CACNA1A: variants seen among roughly 807,000 people sequenced by gnomAD.
The protein encoded by CACNA1A is voltage-dependent P/Q-type calcium channel subunit alpha-1A.
Under a neutral mutation model 262.4 loss-of-function variants are expected in CACNA1A, and 57 were observed. The ratio of observed to expected loss-of-function variants is 0.22; its 90% CI spans 0.18 to 0.27. CACNA1A has a LOEUF of 0.27. Among genes scored for constraint, CACNA1A ranks in the 10% least tolerant of loss-of-function variants. CACNA1A has a pLI of 1.00. For missense variants in CACNA1A, 2,526 were observed against 3,562.8 expected, an observed-to-expected ratio of 0.71 and a Z score of 7.41; for synonymous variants, 1,431 against 1,419.3, an observed-to-expected ratio of 1.01 and a Z score of -0.18.
chr19:13,361,390 A>C (rs1377319065), intron 5 of CACNA1A, among the ~76,000 whole-genome samples: 2 of 152,216 alleles, frequency 1.3e-5, no homozygotes, highest in Non-Finnish European at 2.9e-5. Context: ...AGGAAAGCTC[A>C]CATCTGGGAG....
At chr19:13,486,234 T>C (rs570560351) in intron 1 of CACNA1A, among the ~76,000 whole-genome samples, 1 of 152,310 alleles carries the variant, frequency 6.6e-6, no homozygotes, top group East Asian at 1.9e-4. Flanking sequence ...GTGGCTGTGA[T>C]TGAGGATGAG....
At chr19:13,336,594 G>GGAGGGAGAGAGAGAGA (rs1555768095) in intron 6 of CACNA1A, among the ~76,000 whole-genome samples, 2 of 65,494 alleles carry the variant, frequency 3.1e-5, no homozygotes, top group African/African-American at 1.0e-4. Context: ...AGAGAGAGAG[G>GGAGGGAGAGAGAGAGA]GAGAGAGAGA....
chr19:13,335,893 C>A lies in CACNA1A; in HGVS notation c.995G>T (p.Gly332Val). 6.2e-7 allele frequency: 1 copy of A among 1,604,088 alleles called. No individual in the cohort carries two copies. The highest frequency in any genetic ancestry group is 2.2e-5 in the East Asian group (1 of 44,562). Residue 332 changes from glycine to valine, a missense_variant, in exon 7 of 47, where the codon GGG becomes GTG. Gly to Val is a moderately radical substitution (Grantham distance 109, BLOSUM62 -3). Transcript: ENST00000360228. ...GAAGTACAACCAGTTCCAAGTGTTCCCTGAGGCATCGTTGCTCTGTAGGGT... is the reference window on the plus strand; with the variant it reads ...GAAGTACAACCAGTTCCAAGTGTTCACTGAGGCATCGTTGCTCTGTAGGGT... Reference protein sequence around the residue: ...DLLYNSNDASGNTWNWLYFIP... With the variant: ...DLLYNSNDASVNTWNWLYFIP...
intron 3 of CACNA1A, among the ~76,000 whole-genome samples, chr19:13,428,798 C>A (rs143172490): frequency 2.0e-5 from 3 of 152,210 alleles, no homozygotes; most frequent in African/African-American, 4.8e-5. Flanking sequence ...ATCACGTAGA[C>A]CCCGAGAGCC....
In CACNA1A at chr19:13,333,046, C is replaced by A. The variant is rs893892576; in HGVS notation, c.1199-121G>T. ...TGCTGACTGATGGTGACAGCTCAAC[C>A]GACCAAAAAACATGCTGCTGGGTGG... On this transcript the variant is annotated intron_variant, in intron 8 of 46. Coordinates refer to ENST00000360228, the MANE Select transcript of CACNA1A (RefSeq NM_001127222.2). 6.9e-5 allele frequency: 48 copies of A among 700,196 alleles called. No individual in the cohort carries two copies. In the Middle Eastern group the frequency reaches 7.5e-4, roughly 11 times the overall value. The allele number at this position is 700,196 out of a possible 1,614,324, so 43.4% of individuals were successfully genotyped here. A position where few individuals can be genotyped will look rare whatever the true frequency, so the allele number is the denominator to read the frequency against.
In CACNA1A at chr19:13,415,045, G is replaced by A. The variant is rs537925832; in HGVS notation, c.539+37831C>T. 8.1e-4 allele frequency among the ~76,000 whole-genome samples: 123 copies of A among 152,168 alleles called. 5 individuals are homozygous for A. In the South Asian group the frequency reaches 0.025, roughly 31 times the overall value. ...GTAGGACAGCTGGTTACTCATTGGGGGACTTTCCCAAAGCGATTTTGGGGA... is the reference window on the plus strand; with the variant it reads ...GTAGGACAGCTGGTTACTCATTGGGAGACTTTCCCAAAGCGATTTTGGGGA... On this transcript the variant is annotated intron_variant, in intron 3 of 46. Transcript: ENST00000360228.
chr19:13,416,566 A>T (rs983819757), intron 3 of CACNA1A, among the ~76,000 whole-genome samples: 11 of 152,194 alleles, frequency 7.2e-5, no homozygotes, highest in African/African-American at 2.4e-4. Flanking sequence ...CTGTAATCCC[A>T]GCACTTTGGG....
rs558000900 is a variant in CACNA1A, at chr19:13,371,593, C to T, written c.631+95G>A. The stretch of plus-strand genomic sequence containing the variant: ...AGACTGCCCTCACACAGGCTGGTGG[C>T]AGGATGTGGCCTCCTGAGATGCTCT... On this transcript the variant is annotated intron_variant, in intron 4 of 46. Transcript: ENST00000360228. The T allele has an allele frequency of 4.7e-6, 4 of 850,122 alleles. No homozygotes were observed. The Admixed American group carries it at 6.6e-5, about 14-fold the overall frequency. The allele number at this position is 850,122 out of a possible 1,614,324, so 52.7% of individuals were successfully genotyped here. A position where few individuals can be genotyped will look rare whatever the true frequency, so the allele number is the denominator to read the frequency against.
At chr19:13,449,071 A>T (rs1287142168) in intron 3 of CACNA1A, among the ~76,000 whole-genome samples, 1 of 151,582 alleles carries the variant, frequency 6.6e-6, no homozygotes, top group Non-Finnish European at 1.5e-5. Context: ...GGCTCACGTG[A>T]TCCTCCCACC....
rs142261984 is a variant in CACNA1A, at chr19:13,412,277, C to A, written c.540-40498G>T. Among the ~76,000 whole-genome samples the A allele has an allele frequency of 2.4e-3, 358 of 149,900 alleles. 1 individual carries two copies. The highest frequency in any genetic ancestry group is 8.3e-3 in the African/African-American group (340 of 40,728). ...GTCTCACTGTGTTGCCCAGGCTAGA[C>A]TTGAACTCCTGGGCTCAAGCGATAT... is the stretch of plus-strand genomic sequence containing the variant. On this transcript the variant is annotated intron_variant, in intron 3 of 46. Coordinates refer to ENST00000360228, the MANE Select transcript of CACNA1A (RefSeq NM_001127222.2).
intron 31 of CACNA1A, among the ~76,000 whole-genome samples, chr19:13,240,348 T>C (rs1035399971): frequency 6.6e-6 from 1 of 151,642 alleles, no homozygotes; most frequent in African/African-American, 2.4e-5. Flanking sequence ...TGTGTGTGCA[T>C]GCATAGTGGC....
rs115766845 is a variant in CACNA1A at position 13,208,282 on chromosome 19, A to C, written c.6781-229T>G. 0.016 allele frequency among the ~76,000 whole-genome samples: 2,354 copies of C among 146,618 alleles called. 55 individuals are homozygous for C. The highest frequency in any genetic ancestry group is 0.055 in the East Asian group (261 of 4,782). On this transcript the variant is annotated intron_variant, in intron 46 of 46. Transcript: ENST00000360228. ...GGGGAGGAGGGGGAGTGAGACAGGG[A>C]GGGGAGGAGTCGAAAACCAACACAA...
chr19:13,368,987 G>A (rs1027560648), intron 4 of CACNA1A, among the ~76,000 whole-genome samples: 11 of 122,128 alleles, frequency 9.0e-5, no homozygotes, highest in African/African-American at 1.9e-4. Context: ...GCAGTGAGCC[G>A]AGATCTCGCC....
chr19:13,496,003 CCCAT>C (rs879810505), intron 1 of CACNA1A, among the ~76,000 whole-genome samples: 6 of 151,622 alleles, frequency 4.0e-5, no homozygotes, highest in African/African-American at 4.8e-5. Flanking sequence ...CTTCCTTCAT[CCCAT>C]CCATCCATCC....
Position 13,241,370 on chromosome 19 carries a change from G to A in CACNA1A, c.4950+3812C>T. 1.4e-6 allele frequency: 1 copy of A among 697,396 alleles called. No homozygotes were observed. The highest frequency in any genetic ancestry group is 2.7e-5 in the East Asian group (1 of 36,762). The allele number at this position is 697,396 out of a possible 1,614,324, so 43.2% of individuals were successfully genotyped here. On this transcript the variant is annotated intron_variant, in intron 31 of 46. Transcript: ENST00000360228. The surrounding 1 kb of genome is among the most constrained non-coding windows in gnomAD (Gnocchi z 4.0). Reference sequence around the variant, plus strand: ...TGGGAGGCACAGGGGCTGGGGGCGGGAGGACAGACAGACAGAGGAGAGCGG... The same window carrying A: ...TGGGAGGCACAGGGGCTGGGGGCGGAAGGACAGACAGACAGAGGAGAGCGG...
chr19:13,334,589 G>C, intron 7 of CACNA1A, 96 bp from the exon 8 acceptor site: 2 of 641,324 alleles, frequency 3.1e-6, no homozygotes, highest in South Asian at 3.5e-5. Context: ...GTGTGTGTGT[G>C]TGTTTGTGTG....
In CACNA1A at chr19:13,207,502, G is replaced by C. The variant is rs2054610443; in HGVS notation, c.7332C>G (p.Ser2444=). ...YDAPPPVRHA[S]SGATGRSPRT... The stretch of plus-strand genomic sequence containing the variant: ...TGGGCGAGCGCCCGGTGGCGCCCGA[G>C]GACGCGTGTCGTACGGGGGGTGGCG... The change falls in exon 47 of 47, where the codon TCC becomes TCG. Residue 2444 remains serine, a synonymous_variant. Coordinates refer to ENST00000360228, the MANE Select transcript of CACNA1A (RefSeq NM_001127222.2). The surrounding 1 kb of genome is among the most constrained non-coding windows in gnomAD (Gnocchi z 5.7). 7.0e-7 allele frequency: 1 copy of C among 1,423,058 alleles called. No homozygotes were observed. The highest frequency in any genetic ancestry group is 9.1e-7 in the Non-Finnish European group (1 of 1,094,308). 88.2% of individuals were successfully genotyped at this position (1,423,058 alleles called of 1,614,324 possible). A position where few individuals can be genotyped will look rare whatever the true frequency, so the allele number is the denominator to read the frequency against.
Position 13,506,464 on chromosome 19 carries a change from C to G in CACNA1A, c.-240G>C, listed in dbSNP as rs1328097294. 10 of 243,336 alleles carry G rather than the reference C, an allele frequency of 4.1e-5. No homozygotes were observed. Among genetic ancestry groups the G allele is most frequent in the Non-Finnish European group, 5.9e-5 (8 of 136,052 alleles). 15.1% of individuals were successfully genotyped at this position (243,336 alleles called of 1,614,324 possible). A position where few individuals can be genotyped will look rare whatever the true frequency, so the allele number is the denominator to read the frequency against. On this transcript the variant is annotated 5_prime_UTR_variant, in exon 1 of 47. Transcript: ENST00000360228. The stretch of plus-strand genomic sequence containing the variant: ...GGGGATAGCAGCTCGGGACATCTTC[C>G]TGGCTGACCCCGGAGAAGGAGGGGC...
chr19:13,275,638 G>A, intron 24 of CACNA1A: 2 of 576,124 alleles, frequency 3.5e-6, no homozygotes, highest in South Asian at 1.9e-5. Context: ...TAGAAGGTTG[G>A]CAGGAGGGGG....
Sources: gnomAD v4.1 joint callset for allele counts (sites outside exome capture counted in the v4.1 genomes callset) on GRCh38, gnomAD v4.1.1 for gene constraint, Gnocchi (gnomAD v3.1) non-coding constraint, MANE v1.5 for transcripts, NCBI Gene and HGNC (gene_info 2026-07-23, HGNC 2026-07-21) for gene names.